CCSER1: variants seen among roughly 807,000 people sequenced by gnomAD.
CCSER1 encodes the protein coiled-coil serine rich protein 1, also known as serine-rich coiled-coil domain-containing protein 1.
CCSER1 carries 41 observed loss-of-function variants against 82.0 expected under a neutral mutation model. The ratio of observed to expected loss-of-function variants is 0.50; its 90% CI spans 0.39 to 0.65. The LOEUF (loss-of-function observed/expected upper bound fraction) is 0.65, where lower values mean the gene tolerates loss of function less well. Ranked by LOEUF, CCSER1 falls within the 30% of genes least tolerant of loss-of-function variation. The pLI, the probability that CCSER1 is intolerant of heterozygous loss-of-function variation, is 0.00. For synonymous variants in CCSER1, 414 were observed against 383.9 expected (o/e 1.08, Z -0.92); for missense variants, 1,119 against 1,064.2 (o/e 1.05, Z -0.72).
chr4:91,491,053 C>A (rs1758514847), intron 10 of CCSER1, among the ~76,000 whole-genome samples: 2 of 148,922 alleles, frequency 1.3e-5, no homozygotes, highest in Admixed American at 6.8e-5. Context: ...TCACGTGAAC[C>A]CTCTGAAGCA....
chr4:90,893,796 G>T (rs1456803084), intron 8 of CCSER1, among the ~76,000 whole-genome samples: 3 of 146,198 alleles, frequency 2.1e-5, no homozygotes, highest in African/African-American at 7.5e-5. Context: ...TGTGTGTGGG[G>T]GGTGAATTTT....
At chr4:90,169,915 A>G (rs781680590) in intron 1 of CCSER1, among the ~76,000 whole-genome samples, 1 of 151,894 alleles carries the variant, frequency 6.6e-6, no homozygotes, top group Non-Finnish European at 1.5e-5. Flanking sequence ...CTTCTATGAT[A>G]ATACACGTAT....
chr4:90,782,688 T>TC (rs200331459), intron 7 of CCSER1, among the ~76,000 whole-genome samples: 3 of 142,742 alleles, frequency 2.1e-5, no homozygotes, highest in Non-Finnish European at 4.6e-5. Flanking sequence ...TTTCTTTCTT[T>TC]TTTTTTTTTT....
chr4:91,153,262 A>G (rs903340873), intron 10 of CCSER1, among the ~76,000 whole-genome samples: 2 of 151,714 alleles, frequency 1.3e-5, no homozygotes, highest in African/African-American at 2.4e-5. Context: ...CATTCATTTG[A>G]TCTTCAATTA....
intron 10 of CCSER1, among the ~76,000 whole-genome samples, chr4:91,379,202 C>G (rs958621865): frequency 2.0e-5 from 3 of 152,112 alleles, no homozygotes; most frequent in Non-Finnish European, 4.4e-5. Flanking sequence ...GGATATTGGT[C>G]TAAAATTCTC....
At chr4:90,363,228 A>G (rs564437900) in intron 3 of CCSER1, among the ~76,000 whole-genome samples, 1 of 152,272 alleles carries the variant, frequency 6.6e-6, no homozygotes, top group South Asian at 2.1e-4. Flanking sequence ...CTCCTTGTCA[A>G]TTGCTTATCA....
In CCSER1 at chr4:90,869,168, G is replaced by A. The variant is rs80008534; in HGVS notation, c.2094+53323G>A. On this transcript the variant is annotated intron_variant, in intron 8 of 10. Transcript: ENST00000509176. ...CATTCTGTAGTTGTCTGTTCATTTT[G>A]TTGTTTGTTTTCTGTGCAGAAGCTT... is the stretch of plus-strand genomic sequence containing the variant. 7.3e-3 allele frequency among the ~76,000 whole-genome samples: 1,102 copies of A among 151,828 alleles called. 8 individuals are homozygous for A. Among genetic ancestry groups the A allele is most frequent in the African/African-American group, 0.025 (1,057 of 41,496 alleles).
In CCSER1 at chr4:91,347,523, G is replaced by A. The variant is rs867575593; in HGVS notation, c.2218-251049G>A. On this transcript the variant is annotated intron_variant, in intron 10 of 10. Transcript: ENST00000509176. ...CCACAAAATGACTCACTGAGATTTC[G>A]GCTGGGATTGTGTTTAATGTATTGA... Among the ~76,000 whole-genome samples the A allele has an allele frequency of 5.3e-5, 8 of 151,512 alleles. No homozygotes were observed. In the South Asian group the frequency reaches 6.3e-4, roughly 12 times the overall value.
At position 90,312,857 on chromosome 4, in the gene CCSER1, C is replaced by A. The variant is rs1258761525; in HGVS notation, c.1325-6C>A. 2 of 1,538,502 alleles carry A rather than the reference C, an allele frequency of 1.3e-6. No homozygotes were observed. Among genetic ancestry groups the A allele is most frequent in the Non-Finnish European group, 1.8e-6 (2 of 1,135,696 alleles). The stretch of plus-strand genomic sequence containing the variant: ...CCTTCATTTTTATTTATTTTCCTTT[C>A]CATAGTTCTTGCCAGTAGTCTCAGT... On this transcript the variant is annotated splice_polypyrimidine_tract_variant and splice_region_variant and intron_variant, in intron 2 of 10. Coordinates refer to ENST00000509176, the MANE Select transcript of CCSER1 (RefSeq NM_001145065.2).
At chr4:90,415,831 A>T (rs956366147) in intron 4 of CCSER1, among the ~76,000 whole-genome samples, 1 of 152,232 alleles carries the variant, frequency 6.6e-6, no homozygotes, top group Non-Finnish European at 1.5e-5. Context: ...TAATTAAATG[A>T]ATTAAAGTTA....
intron 1 of CCSER1, among the ~76,000 whole-genome samples, chr4:90,171,241 A>G (rs914303257): frequency 1.3e-5 from 2 of 151,832 alleles, no homozygotes; most frequent in Admixed American, 6.6e-5. Flanking sequence ...AAAGGACACA[A>G]GTGTAAAAAA....
At chr4:90,667,457 T>C (rs1399042135) in intron 6 of CCSER1, among the ~76,000 whole-genome samples, 1 of 152,144 alleles carries the variant, frequency 6.6e-6, no homozygotes, top group Middle Eastern at 3.2e-3. Context: ...ACCCATCATA[T>C]ACATTAGACA....
At chr4:90,128,580 A>G (rs2153305743) in intron 1 of CCSER1, among the ~76,000 whole-genome samples, 1 of 152,188 alleles carries the variant, frequency 6.6e-6, no homozygotes, top group South Asian at 2.1e-4. Context: ...AGTCAGCCGT[A>G]AGCTGAAACC....
At chr4:91,333,222 T>C in intron 10 of CCSER1, among the ~76,000 whole-genome samples, 1 of 152,024 alleles carries the variant, frequency 6.6e-6, no homozygotes, top group Non-Finnish European at 1.5e-5. Flanking sequence ...CTGAATACAG[T>C]ATAATGCACC....
chr4:90,777,129 G>T (rs182379771), intron 7 of CCSER1, among the ~76,000 whole-genome samples: 1 of 152,080 alleles, frequency 6.6e-6, no homozygotes, highest in African/African-American at 2.4e-5. Context: ...GTTGAGGCGG[G>T]TGGATCACCT....
intron 10 of CCSER1, among the ~76,000 whole-genome samples, chr4:91,164,597 A>T (rs1393033167): frequency 6.6e-6 from 1 of 152,120 alleles, no homozygotes; most frequent in Non-Finnish European, 1.5e-5. Context: ...CTTTTCACAT[A>T]GTCCCATATT....
chr4:90,870,838 G>A (rs1297281804), intron 8 of CCSER1, among the ~76,000 whole-genome samples: 5 of 124,326 alleles, frequency 4.0e-5, no homozygotes, highest in Admixed American at 1.6e-4. Flanking sequence ...TTTTTTTACC[G>A]GGAGACTATT....
intron 10 of CCSER1, among the ~76,000 whole-genome samples, chr4:91,577,616 G>A (rs1483202979): frequency 6.6e-6 from 1 of 151,946 alleles, no homozygotes; most frequent in Non-Finnish European, 1.5e-5. Context: ...AAAGGGTCTT[G>A]TAGAAACACC....
intron 9 of CCSER1, among the ~76,000 whole-genome samples, chr4:90,971,389 G>C (rs1222506333): frequency 2.0e-5 from 3 of 151,860 alleles, no homozygotes; most frequent in Admixed American, 6.6e-5. Context: ...AGAATAGCAA[G>C]GGAGAAATCC....
Sources: gnomAD v4.1 joint callset for allele counts (sites outside exome capture counted in the v4.1 genomes callset) on GRCh38, gnomAD v4.1.1 for gene constraint, MANE v1.5 for transcripts, NCBI Gene and HGNC (gene_info 2026-07-23, HGNC 2026-07-21) for gene names.